SHC4: variants seen among roughly 807,000 people sequenced by gnomAD.
The protein encoded by SHC4 is SHC-transforming protein 4.
SHC4 carries 41 observed loss-of-function variants against 69.4 expected under a neutral mutation model. The ratio of observed to expected loss-of-function variants is 0.59; its 90% confidence interval spans 0.46 to 0.77. The LOEUF (loss-of-function observed/expected upper bound fraction) is 0.77, where lower values mean the gene tolerates loss of function less well. SHC4 is among the 30% of genes least tolerant of loss of function. The pLI is 0.00. For missense variants in SHC4, 777 were observed against 783.8 expected, an observed-to-expected ratio of 0.99 and a Z score of 0.10; for synonymous variants, 318 against 299.3, an observed-to-expected ratio of 1.06 and a Z score of -0.64.
intron 1 of SHC4, among the ~76,000 whole-genome samples, chr15:48,957,728 C>T (rs549675917): frequency 2.6e-5 from 4 of 152,220 alleles, no homozygotes; most frequent in Non-Finnish European, 5.9e-5. Flanking sequence ...TCTTAACCCT[C>T]AGAACCTGTG....
chr15:48,919,300 T>TTTTTTTTTTTTTTTTTTTTTTTTTG (rs1900695372), intron 2 of SHC4, among the ~76,000 whole-genome samples: 1 of 120,544 alleles, frequency 8.3e-6, no homozygotes, highest in Non-Finnish European at 1.8e-5. Context: ...TTTTAATTTT[T>TTTTTTTTTTTTTTTTTTTTTTTTTG]TTTTTTTTTT....
At chr15:48,879,166 A>T (rs1380484520) in intron 4 of SHC4, 1 of 172,284 alleles carries the variant, frequency 5.8e-6, no homozygotes, top group Non-Finnish European at 1.4e-5. Flanking sequence ...ACTAGGACAC[A>T]TATCTTTTGA....
intron 1 of SHC4, among the ~76,000 whole-genome samples, chr15:48,935,893 A>G (rs993595653): frequency 6.6e-6 from 1 of 152,130 alleles, no homozygotes; most frequent in Admixed American, 6.5e-5. Context: ...TGCTATAATA[A>G]TAGCATTATA....
chr15:48,893,879 T>G (rs886490358), intron 2 of SHC4, among the ~76,000 whole-genome samples: 1 of 152,196 alleles, frequency 6.6e-6, no homozygotes, highest in African/African-American at 2.4e-5. Context: ...TTGGAAGGAT[T>G]GCTTGAGCCC....
intron 4 of SHC4, among the ~76,000 whole-genome samples, chr15:48,873,728 G>A (rs183260793): frequency 8.3e-4 from 126 of 151,700 alleles, no homozygotes; most frequent in Middle Eastern, 6.8e-3. Flanking sequence ...GCTACAGAGC[G>A]AGACTCCGTC....
chr15:48,897,341 C>T (rs1003316583), intron 2 of SHC4, among the ~76,000 whole-genome samples: 2 of 152,228 alleles, frequency 1.3e-5, no homozygotes, highest in Admixed American at 6.5e-5. Context: ...ACCCTGCCTA[C>T]GCCATAAGAC....
intron 1 of SHC4, among the ~76,000 whole-genome samples, chr15:48,956,009 C>T (rs1284841211): frequency 1.3e-5 from 2 of 152,056 alleles, no homozygotes; most frequent in African/African-American, 2.4e-5. Context: ...TGTCCAGGGG[C>T]ATGAAAGGAC....
At chr15:48,920,359 G>A (rs1900729148) in intron 2 of SHC4, among the ~76,000 whole-genome samples, 1 of 152,008 alleles carries the variant, frequency 6.6e-6, no homozygotes, top group Non-Finnish European at 1.5e-5. Flanking sequence ...ATGAGCAGGA[G>A]CTTTGTAATA....
rs1177280422 is a variant in SHC4 at position 48,833,041 on chromosome 15, T to C, written c.1737+1728A>G. Reference sequence around the variant, plus strand: ...TGCCTCTGTTTCTTTAGGATCTGTTTCTAGATATTTATTTTGTTTGTTTGT... The same window carrying C: ...TGCCTCTGTTTCTTTAGGATCTGTTCCTAGATATTTATTTTGTTTGTTTGT... On this transcript the variant is annotated intron_variant, in intron 11 of 11. Coordinates refer to ENST00000332408, the MANE Select transcript of SHC4 (RefSeq NM_203349.4). Among the ~76,000 whole-genome samples, 4 of 152,206 alleles carry C rather than the reference T, an allele frequency of 2.6e-5. No homozygotes were observed. In the East Asian group the frequency reaches 7.7e-4, roughly 29 times the overall value.
At chr15:48,925,081 AC>A in intron 1 of SHC4, 132 bp from the exon 2 acceptor site, 1 of 828,328 alleles carries the variant, frequency 1.2e-6, no homozygotes, top group Non-Finnish European at 2.0e-6. Context: ...CCCTCTGCCT[AC>A]AACTGTTATT....
chr15:48,847,873 A>C (rs1329671599), intron 9 of SHC4, among the ~76,000 whole-genome samples: 1 of 151,900 alleles, frequency 6.6e-6, no homozygotes, highest in Non-Finnish European at 1.5e-5. Flanking sequence ...ATGGTGGCGC[A>C]TGCCTGTAAT....
chr15:48,919,026 C>T (rs1054972585), intron 2 of SHC4, among the ~76,000 whole-genome samples: 1 of 152,022 alleles, frequency 6.6e-6, no homozygotes, highest in Non-Finnish European at 1.5e-5. Context: ...GGGATGGGGA[C>T]AGGATTTTGA....
chr15:48,855,292 T>C (rs1027767388), intron 8 of SHC4, among the ~76,000 whole-genome samples: 9 of 152,118 alleles, frequency 5.9e-5, no homozygotes, highest in Non-Finnish European at 1.2e-4. Context: ...TATAAAGAGA[T>C]ACAGAATACT....
At chr15:48,895,448 C>T (rs751226779) in intron 2 of SHC4, among the ~76,000 whole-genome samples, 5 of 152,092 alleles carry the variant, frequency 3.3e-5, no homozygotes, top group African/African-American at 4.8e-5. Flanking sequence ...TAGTGAGGCG[C>T]AGCTCTTTGG....
intron 1 of SHC4, among the ~76,000 whole-genome samples, chr15:48,927,882 A>T (rs183611016): frequency 6.6e-6 from 1 of 152,096 alleles, no homozygotes; most frequent in African/African-American, 2.4e-5. Flanking sequence ...TTTACTTGTT[A>T]ATTTGCTTGT....
rs577716083 is a variant in SHC4, at chr15:48,865,873, A to G, written c.946+1945T>C. Among the ~76,000 whole-genome samples the G allele has an allele frequency of 2.8e-4, 42 of 152,284 alleles. No homozygotes were observed. In the South Asian group the frequency reaches 6.6e-3, roughly 24 times the overall value. ...CACCAGAACAGGGGCTTTCAAAGTG[A>G]ATGTGCTGCATCATAATTTTCTCTG... On this transcript the variant is annotated intron_variant, in intron 6 of 11. Coordinates refer to ENST00000332408, the MANE Select transcript of SHC4 (RefSeq NM_203349.4).
At chr15:48,857,437 ATTC>A (rs2140983753) in intron 7 of SHC4, among the ~76,000 whole-genome samples, 2 of 152,314 alleles carry the variant, frequency 1.3e-5, no homozygotes, top group East Asian at 3.9e-4. Flanking sequence ...GAGATAATCT[ATTC>A]TTACTTTTAG....
intron 1 of SHC4, among the ~76,000 whole-genome samples, chr15:48,936,492 A>G (rs1398558256): frequency 6.6e-6 from 1 of 152,006 alleles, no homozygotes; most frequent in East Asian, 1.9e-4. Flanking sequence ...GCAGATGGAG[A>G]GAGTCTCCAT....
chr15:48,906,464 A>C (rs1900407271), intron 2 of SHC4, among the ~76,000 whole-genome samples: 3 of 143,366 alleles, frequency 2.1e-5, no homozygotes, highest in South Asian at 2.2e-4. Context: ...ATTTCCCCCT[A>C]CTCTTCCCTT....
Sources: gnomAD v4.1 joint callset for allele counts (sites outside exome capture counted in the v4.1 genomes callset) on GRCh38, gnomAD v4.1.1 for gene constraint, MANE v1.5 for transcripts, NCBI Gene and HGNC (gene_info 2026-07-23, HGNC 2026-07-21) for gene names.